The following STPG2 variants were observed in gnomAD, a reference collection of about 807,000 sequenced individuals.
STPG2 encodes sperm-tail PG-rich repeat-containing protein 2.
In STPG2, 56 loss-of-function variants were observed where a neutral mutation model predicts 54.2. The ratio of observed to expected loss-of-function variants is 1.03; its 90% CI spans 0.83 to 1.29. STPG2 has a LOEUF of 1.29. Ranked by LOEUF, STPG2 falls within the 50% of genes most tolerant of loss-of-function variation. The pLI, the probability that STPG2 is intolerant of heterozygous loss-of-function variation, is 0.00. For synonymous variants in STPG2, 200 were observed against 181.8 expected, an observed-to-expected ratio of 1.10 and a Z score of -0.81; for missense variants, 596 against 544.9, an observed-to-expected ratio of 1.09 and a Z score of -0.93.
At position 98,116,563 on chromosome 4, in the gene STPG2, T is replaced by C. The variant is rs1739530874; in HGVS notation, c.388-7258A>G. Among the ~76,000 whole-genome samples, 5 of 151,914 alleles carry C rather than the reference T, an allele frequency of 3.3e-5. No homozygotes were observed. The South Asian group carries it at 1.0e-3, about 31-fold the overall frequency. On this transcript the variant is annotated intron_variant, in intron 3 of 10. Coordinates refer to ENST00000295268, the MANE Select transcript of STPG2 (RefSeq NM_174952.3). ...GGGAGAATATCCTAATATCAAATCA[T>C]AAGACCATTTCACTGGAGTTTTTAC...
At chr4:97,550,056 TATATTA>T (rs1731930373) in intron 4 of STPG2, among the ~76,000 whole-genome samples, 2 of 152,168 alleles carry the variant, frequency 1.3e-5, no homozygotes, top group Non-Finnish European at 2.9e-5. Context: ...TAAAAAGATG[TATATTA>T]AAGTATTTTT....
At chr4:97,566,454 C>A (rs1426078786) in intron 10 of STPG2, among the ~76,000 whole-genome samples, 2 of 152,146 alleles carry the variant, frequency 1.3e-5, no homozygotes, top group South Asian at 2.1e-4. Flanking sequence ...TGTCCTGCGC[C>A]CACTGTCTGG....
intron 5 of STPG2, among the ~76,000 whole-genome samples, chr4:98,103,367 C>T (rs936448827): frequency 1.3e-5 from 2 of 152,058 alleles, no homozygotes; most frequent in Middle Eastern, 3.4e-3. Context: ...CAGGGCTGGG[C>T]GTGGTGACTC....
chr4:98,101,868 C>CG (rs1739048177), intron 5 of STPG2, among the ~76,000 whole-genome samples: 1 of 147,130 alleles, frequency 6.8e-6, no homozygotes. Flanking sequence ...ATTATCTTCC[C>CG]CCTCCCCCCC....
At chr4:97,961,316 C>T (rs189924652) in intron 7 of STPG2, among the ~76,000 whole-genome samples, 1 of 151,872 alleles carries the variant, frequency 6.6e-6, no homozygotes. Flanking sequence ...AAGGAGAACC[C>T]AAAAACAAAT....
intron 4 of STPG2, among the ~76,000 whole-genome samples, chr4:97,443,312 T>C (rs950207596): frequency 5.3e-5 from 8 of 152,108 alleles, no homozygotes; most frequent in African/African-American, 1.7e-4. Flanking sequence ...AAACTTGTAG[T>C]CTAATAAGGC....
chr4:97,544,693 A>G (rs35714120), intron 4 of STPG2, among the ~76,000 whole-genome samples: 35,922 of 152,016 alleles, frequency 0.24, 4,956 homozygotes, highest in Non-Finnish European at 0.3. Flanking sequence ...AAATACATAT[A>G]AAACACCAGG....
chr4:98,023,735 G>A lies in STPG2; in HGVS notation c.613-42417C>T, dbSNP rs567391615. Among the ~76,000 whole-genome samples, 11 of 152,208 alleles carry A rather than the reference G, an allele frequency of 7.2e-5. No individual in the cohort carries two copies. In the East Asian group the frequency reaches 1.4e-3, roughly 19 times the overall value. On this transcript the variant is annotated intron_variant, in intron 5 of 10. Coordinates refer to ENST00000295268, the MANE Select transcript of STPG2 (RefSeq NM_174952.3). Reference sequence around the variant, plus strand: ...TACCTAAGCAAGCCTGGGCAATGGCGGGCACCCCTCCCCCAGCCTTGCTGC... The same window carrying A: ...TACCTAAGCAAGCCTGGGCAATGGCAGGCACCCCTCCCCCAGCCTTGCTGC...
intron 10 of STPG2, among the ~76,000 whole-genome samples, chr4:97,674,710 T>C (rs934954710): frequency 6.6e-6 from 1 of 152,224 alleles, no homozygotes; most frequent in Admixed American, 6.5e-5. Flanking sequence ...GATGACATTA[T>C]TGCCAGTTTT....
intron 7 of STPG2, among the ~76,000 whole-genome samples, chr4:97,968,620 G>C (rs1734204514): frequency 6.6e-6 from 1 of 152,054 alleles, no homozygotes; most frequent in Admixed American, 6.6e-5. Context: ...TGAGATGCAA[G>C]GCTGGTTCAA....
At chr4:97,797,164 T>A (rs975890727) in intron 9 of STPG2, among the ~76,000 whole-genome samples, 4 of 152,216 alleles carry the variant, frequency 2.6e-5, no homozygotes, top group Non-Finnish European at 4.4e-5. Context: ...CTTTTCCTAA[T>A]TGAATACCCT....
downstream of STPG2, among the ~76,000 whole-genome samples, chr4:97,558,415 A>G (rs1390644940): frequency 6.6e-6 from 1 of 152,158 alleles, no homozygotes; most frequent in Admixed American, 6.5e-5. Flanking sequence ...CTTAAGGAAA[A>G]AGGTGAATAG....
At chr4:97,730,439 T>C (rs1285694664) in intron 9 of STPG2, among the ~76,000 whole-genome samples, 1 of 152,222 alleles carries the variant, frequency 6.6e-6, no homozygotes, top group Non-Finnish European at 1.5e-5. Flanking sequence ...GTTTTTGCTG[T>C]TGTGAATAGC....
intron 9 of STPG2, among the ~76,000 whole-genome samples, chr4:97,798,736 CTTG>C (rs1727285491): frequency 9.9e-6 from 1 of 100,660 alleles, no homozygotes; most frequent in East Asian, 2.7e-4. Context: ...CCTGGATATC[CTTG>C]TTAACTTTCT....
At chr4:97,525,016 C>A (rs951959702) in intron 4 of STPG2, among the ~76,000 whole-genome samples, 3 of 151,802 alleles carry the variant, frequency 2.0e-5, no homozygotes, top group Admixed American at 6.6e-5. Flanking sequence ...TTCATAGAGA[C>A]CTTCTTATAT....
At chr4:97,890,696 C>T (rs1302909400) in intron 8 of STPG2, among the ~76,000 whole-genome samples, 2 of 151,680 alleles carry the variant, frequency 1.3e-5, no homozygotes, top group Non-Finnish European at 1.5e-5. Context: ...GATTGTTCCA[C>T]AAACAAAGAA....
intron 9 of STPG2, among the ~76,000 whole-genome samples, chr4:97,763,951 A>G (rs1725964529): frequency 6.6e-6 from 1 of 151,982 alleles, no homozygotes; most frequent in African/African-American, 2.4e-5. Context: ...ATTTGACCCA[A>G]GTTCATTTCT....
At chr4:97,514,561 A>G (rs1731036596) in intron 4 of STPG2, among the ~76,000 whole-genome samples, 1 of 152,172 alleles carries the variant, frequency 6.6e-6, no homozygotes, top group Non-Finnish European at 1.5e-5. Flanking sequence ...TTCATAAAGC[A>G]TATGATTTAC....
chr4:97,571,263 G>A (rs568594594), intron 10 of STPG2, among the ~76,000 whole-genome samples: 31 of 151,964 alleles, frequency 2.0e-4, no homozygotes, highest in Non-Finnish European at 3.7e-4. Flanking sequence ...ACTGAAACTG[G>A]TAGAAGGACT....
Sources: gnomAD v4.1 joint callset for allele counts (sites outside exome capture counted in the v4.1 genomes callset) on GRCh38, gnomAD v4.1.1 for gene constraint, MANE v1.5 for transcripts, NCBI Gene and HGNC (gene_info 2026-07-23, HGNC 2026-07-21) for gene names.